Variants in CCAR1 observed in about 807,000 individuals in gnomAD.
The protein encoded by CCAR1 is cell division cycle and apoptosis regulator protein 1.
Under a neutral mutation model 163.8 loss-of-function variants are expected in CCAR1, and 78 were observed. The observed-to-expected ratio is 0.48, with a 90% confidence interval of 0.40 to 0.57. The LOEUF (loss-of-function observed/expected upper bound fraction) is 0.57, where lower values mean the gene tolerates loss of function less well. Among genes scored for constraint, CCAR1 ranks in the 20% least tolerant of loss-of-function variants. The probability of loss-of-function intolerance (pLI) is 0.00; values close to 1 mark genes in which losing one functional copy is unlikely to be tolerated. For synonymous variants in CCAR1, 443 were observed against 460.7 expected (o/e 0.96, Z 0.49); for missense variants, 1,019 against 1,365.2 (o/e 0.75, Z 4.00).
chr10:68,773,901 GT>G (rs955312087), intron 19 of CCAR1, among the ~76,000 whole-genome samples: 20 of 147,390 alleles, frequency 1.4e-4, no homozygotes, highest in African/African-American at 4.5e-4. Flanking sequence ...TTTTTTTGTT[GT>G]TTTTTTTTCA....
At chr10:68,775,386 G>T (rs1469721581) in intron 19 of CCAR1, among the ~76,000 whole-genome samples, 1 of 151,638 alleles carries the variant, frequency 6.6e-6, no homozygotes, top group Non-Finnish European at 1.5e-5. Context: ...CCTTTTTACA[G>T]CCCCATTTTC....
intron 10 of CCAR1, among the ~76,000 whole-genome samples, chr10:68,752,128 C>T (rs558589965): frequency 1.1e-4 from 16 of 151,740 alleles, no homozygotes; most frequent in Non-Finnish European, 2.2e-4. Flanking sequence ...CCGTGTTAGC[C>T]AGGATGGTCT....
chr10:68,744,024 C>T (rs1005856494), intron 6 of CCAR1, among the ~76,000 whole-genome samples: 2 of 152,146 alleles, frequency 1.3e-5, no homozygotes, highest in African/African-American at 4.8e-5. Context: ...GCTGGGATTA[C>T]AGGCGTAAGC....
chr10:68,788,909 G>A (rs2056823912), intron 23 of CCAR1, among the ~76,000 whole-genome samples: 1 of 150,156 alleles, frequency 6.7e-6, no homozygotes, highest in Non-Finnish European at 1.5e-5. Context: ...TCATCTTCTG[G>A]TTCCACTTTT....
chr10:68,745,298 GC>G (rs2056238209), intron 6 of CCAR1, among the ~76,000 whole-genome samples: 1 of 150,512 alleles, frequency 6.6e-6, no homozygotes, highest in Non-Finnish European at 1.5e-5. Flanking sequence ...GAGCCGCCAC[GC>G]CCGGCCCTTT....
In CCAR1 at chr10:68,747,135, CTTTTTTTTTCTTT is replaced by C; in HGVS notation, c.519-17_519-5del. On this transcript the variant is annotated splice_polypyrimidine_tract_variant and intron_variant, in intron 6 of 24. Coordinates refer to ENST00000265872, the MANE Select transcript of CCAR1 (RefSeq NM_018237.4). ...CTATTTTAATTGTATTTATATTTAA[CTTTTTTTTTCTTT>C]TTTTTTTTACAGTGCTGTCAAAGGG... is the stretch of plus-strand genomic sequence containing the variant. 8.4e-7 allele frequency: 1 copy of C among 1,194,996 alleles called. No homozygotes were observed. Among genetic ancestry groups the C allele is most frequent in the Non-Finnish European group, 1.2e-6 (1 of 844,732 alleles). The allele number at this position is 1,194,996 out of a possible 1,614,324, so 74.0% of individuals were successfully genotyped here.
intron 16 of CCAR1, among the ~76,000 whole-genome samples, chr10:68,762,265 C>T (rs1184604141): frequency 6.6e-6 from 1 of 151,654 alleles, no homozygotes; most frequent in African/African-American, 2.4e-5. Context: ...GGAGGCGGAG[C>T]TTGCAGTGAG....
At position 68,747,218 on chromosome 10, in the gene CCAR1, T is replaced by C. The variant is rs5030885; in HGVS notation, c.576T>C (p.Tyr192=). 158 of 1,612,360 alleles carry C rather than the reference T, an allele frequency of 9.8e-5. No homozygotes were observed. The highest frequency in any genetic ancestry group is 3.3e-4 in the Admixed American group (20 of 59,754). Residue 192 remains tyrosine, a synonymous_variant, in exon 7 of 25, where the codon TAT becomes TAC. Transcript: ENST00000265872. ...ACAGAGTATTGGTTGAAGCTACTTATAATCCTAATATGCCTTTTAAATGGA... is the reference window on the plus strand; with the variant it reads ...ACAGAGTATTGGTTGAAGCTACTTACAATCCTAATATGCCTTTTAAATGGA... The part of the protein sequence containing the change: ...VGDRVLVEAT[Y]NPNMPFKWNA...
rs1365454236 is a variant in CCAR1, at chr10:68,788,068, T to C, written c.3001+21T>C. The C allele has an allele frequency of 5.7e-6, 9 of 1,565,758 alleles. No individual in the cohort carries two copies. The Admixed American group carries it at 1.7e-4, about 29-fold the overall frequency. On this transcript the variant is annotated intron_variant, in intron 22 of 24. Transcript: ENST00000265872. Reference sequence around the variant, plus strand: ...GCTAGGTCTGAGTAATATTAAGATTTTGCTTTTTAATAAATATACTAGTAA... The same window carrying C: ...GCTAGGTCTGAGTAATATTAAGATTCTGCTTTTTAATAAATATACTAGTAA...
intron 15 of CCAR1, among the ~76,000 whole-genome samples, chr10:68,758,195 C>T (rs1167841949): frequency 6.6e-6 from 1 of 151,956 alleles, no homozygotes; most frequent in Admixed American, 6.6e-5. Context: ...GCTTGGATTA[C>T]AGGCACGTAC....
Position 68,731,286 on chromosome 10 carries a change from C to T in CCAR1, c.74-5590C>T, listed in dbSNP as rs114598299. Among the ~76,000 whole-genome samples, 921 of 152,278 alleles carry T rather than the reference C, an allele frequency of 6.0e-3. 7 individuals carry two copies. The highest frequency in any genetic ancestry group is 0.021 in the African/African-American group (879 of 41,562). ...TTGCAGAATGTTGATTCTAATAATT[C>T]ACATTGAGTGCAGAATGCACATATA... On this transcript the variant is annotated intron_variant, in intron 2 of 24. Transcript: ENST00000265872.
In CCAR1 at chr10:68,771,322, A is replaced by C; in HGVS notation, c.2415A>C (p.Lys805Asn). ...EKEDKKEKDK[K>N]SKKDERKDKK... ...AGGACAAAAAAGAAAAGGATAAAAAAAGCAAAAAAGATGAGAGAAAAGATA... is the reference window on the plus strand; with the variant it reads ...AGGACAAAAAAGAAAAGGATAAAAACAGCAAAAAAGATGAGAGAAAAGATA... The change falls in exon 18 of 25, where the codon AAA (lysine) becomes AAC (asparagine). Residue 805 changes from lysine (K) to asparagine (N), a missense_variant. This residue lies in a region of CCAR1 where 358 missense variants were observed against 406.4 expected (regional missense o/e 0.88). Coordinates refer to ENST00000265872, the MANE Select transcript of CCAR1 (RefSeq NM_018237.4). 1 of 1,610,202 alleles carries C rather than the reference A, an allele frequency of 6.2e-7. No homozygotes were observed.
rs1589170475 is a variant in CCAR1 at position 68,757,497 on chromosome 10, C to G, written c.1920+120C>G. On this transcript the variant is annotated intron_variant, in intron 15 of 24. Coordinates refer to ENST00000265872, the MANE Select transcript of CCAR1 (RefSeq NM_018237.4). Reference sequence around the variant, plus strand: ...TGGCGCGATCTCGGCTCACTTCAGCCTCTGCCTCCTGGGTTCAGTAGATTC... The same window carrying G: ...TGGCGCGATCTCGGCTCACTTCAGCGTCTGCCTCCTGGGTTCAGTAGATTC... 9.3e-6 allele frequency: 5 copies of G among 536,078 alleles called. No individual in the cohort carries two copies. In the East Asian group the frequency reaches 1.4e-4, roughly 15 times the overall value. The allele number at this position is 536,078 out of a possible 1,614,324, so 33.2% of individuals were successfully genotyped here. A position where few individuals can be genotyped will look rare whatever the true frequency, so the allele number is the denominator to read the frequency against.
At chr10:68,777,841 A>G (rs1271783597) in intron 19 of CCAR1, among the ~76,000 whole-genome samples, 1 of 152,112 alleles carries the variant, frequency 6.6e-6, no homozygotes, top group Non-Finnish European at 1.5e-5. Flanking sequence ...CTGAGCTGGT[A>G]GGATCACTTG....
In CCAR1 at chr10:68,737,849, A is replaced by G. The variant is rs1426069137; in HGVS notation, c.251A>G (p.Tyr84Cys). ...AAAAAALQQQ[Y>C]SQPQQALYSV... ...AATTTTTTTTTAATCTTTCAGCAAT[A>G]TTCACAACCTCAGCAGGCCCTGTAT... The change falls in exon 4 of 25, where the codon TAT becomes TGT. Residue 84 changes from tyrosine to cysteine, a missense_variant. Physicochemically the swap from Tyr to Cys is radical, Grantham distance 194. Coordinates refer to ENST00000265872, the MANE Select transcript of CCAR1 (RefSeq NM_018237.4). The G allele has an allele frequency of 6.3e-7, 1 of 1,588,750 alleles. No homozygotes were observed. The highest frequency in any genetic ancestry group is 8.5e-7 in the Non-Finnish European group (1 of 1,170,434).
intron 18 of CCAR1, among the ~76,000 whole-genome samples, chr10:68,772,472 G>C (rs1194045824): frequency 6.7e-6 from 1 of 150,280 alleles, no homozygotes. Flanking sequence ...AACAAAGTGA[G>C]ACTGTGTCTC....
intron 2 of CCAR1, among the ~76,000 whole-genome samples, chr10:68,733,783 C>A (rs1160526550): frequency 1.3e-5 from 2 of 152,104 alleles, no homozygotes; most frequent in African/African-American, 4.8e-5. Context: ...CCTGCCTCAG[C>A]CTCCCGAATA....
At chr10:68,761,548 G>C (rs1035599973) in intron 16 of CCAR1, among the ~76,000 whole-genome samples, 1 of 151,464 alleles carries the variant, frequency 6.6e-6, no homozygotes, top group Non-Finnish European at 1.5e-5. Flanking sequence ...CTTGTGATTC[G>C]CCTGCCTCAG....
intron 3 of CCAR1, among the ~76,000 whole-genome samples, chr10:68,737,641 A>G (rs907666661): frequency 2.0e-5 from 3 of 151,962 alleles, no homozygotes; most frequent in Admixed American, 2.0e-4. Context: ...GATTTACTTT[A>G]GATGAAGTTT....
Sources: allele counts gnomAD v4.1 joint callset (sites outside exome capture counted in the v4.1 genomes callset), GRCh38; gene constraint gnomAD v4.1.1; regional missense constraint gnomAD v4.1.1; transcripts MANE v1.5; gene names NCBI Gene and HGNC (gene_info 2026-07-23, HGNC 2026-07-21).